Variants in SPTBN1 observed in about 807,000 individuals in gnomAD.
The protein encoded by SPTBN1 is spectrin beta chain, non-erythrocytic 1.
Under a neutral mutation model 266.4 loss-of-function variants are expected in SPTBN1, and 32 were observed. The ratio of observed to expected loss-of-function variants is 0.12; its 90% CI spans 0.09 to 0.16. The LOEUF is 0.16. Ranked by LOEUF, SPTBN1 falls within the 10% of genes least tolerant of loss-of-function variation. SPTBN1 has a pLI of 1.00. For missense variants in SPTBN1, 2,296 were observed against 3,067.1 expected (o/e 0.75, Z 5.94); for synonymous variants, 1,336 against 1,162.2 (o/e 1.15, Z -3.04).
At chr2:54,597,192 T>G (rs1385394479) in intron 2 of SPTBN1, among the ~76,000 whole-genome samples, 1 of 152,240 alleles carries the variant, frequency 6.6e-6, no homozygotes, top group Non-Finnish European at 1.5e-5. Flanking sequence ...TATGAGTTAC[T>G]TGCCTCCTTG....
Position 54,628,871 on chromosome 2 carries a change from G to T in SPTBN1, c.1799-62G>T, listed in dbSNP as rs893971019. The T allele has an allele frequency of 2.0e-6, 3 of 1,517,040 alleles. No individual in the cohort carries two copies. Among genetic ancestry groups the T allele is most frequent in the Non-Finnish European group, 2.6e-6 (3 of 1,134,668 alleles). The allele number at this position is 1,517,040 out of a possible 1,614,324, so 94.0% of individuals were successfully genotyped here. Reference sequence around the variant, plus strand: ...ATGGGGTGTAGCTTACTGCCTGCCAGTGAGCCTGCACCCATGCTGAGCTCC... The same window carrying T: ...ATGGGGTGTAGCTTACTGCCTGCCATTGAGCCTGCACCCATGCTGAGCTCC... On this transcript the variant is annotated intron_variant, in intron 13 of 35. Coordinates refer to ENST00000356805, the MANE Select transcript of SPTBN1 (RefSeq NM_003128.3). The surrounding 1 kb of genome is among the most constrained non-coding windows in gnomAD (Gnocchi z 4.3).
At chr2:54,568,064 G>A (rs947924515) in intron 2 of SPTBN1, among the ~76,000 whole-genome samples, 14 of 152,134 alleles carry the variant, frequency 9.2e-5, no homozygotes, top group Non-Finnish European at 2.1e-4. Context: ...ATCCCCAAGT[G>A]CTTTGTATGC....
rs373327953 is a variant in SPTBN1, at chr2:54,645,119, A to G, written c.4270-110A>G. ...GTGGCAAAATGTTTGAGTGGCTCCCATGGCTGGCTTTGCGGTGTGGCCAAG... is the reference window on the plus strand; with the variant it reads ...GTGGCAAAATGTTTGAGTGGCTCCCGTGGCTGGCTTTGCGGTGTGGCCAAG... On this transcript the variant is annotated intron_variant, in intron 20 of 35. Transcript: ENST00000356805. The surrounding 1 kb of genome is among the most constrained non-coding windows in gnomAD (Gnocchi z 4.3). 4 of 1,101,534 alleles carry G rather than the reference A, an allele frequency of 3.6e-6. No individual in the cohort carries two copies. The highest frequency in any genetic ancestry group is 4.0e-6 in the Non-Finnish European group (3 of 755,616). The allele number at this position is 1,101,534 out of a possible 1,614,324, so 68.2% of individuals were successfully genotyped here. A position where few individuals can be genotyped will look rare whatever the true frequency, so the allele number is the denominator to read the frequency against.
chr2:54,493,862 A>C (rs1188881331), intron 1 of SPTBN1, among the ~76,000 whole-genome samples: 1 of 152,232 alleles, frequency 6.6e-6, no homozygotes, highest in Admixed American at 6.5e-5. Context: ...CTTACATTCA[A>C]ATGTGAGTGA....
At chr2:54,559,663 C>T (rs561810079) in intron 2 of SPTBN1, among the ~76,000 whole-genome samples, 1 of 152,190 alleles carries the variant, frequency 6.6e-6, no homozygotes, top group Admixed American at 6.5e-5. Flanking sequence ...AGCCAGCAGG[C>T]CCTGGCCAGC....
intron 2 of SPTBN1, among the ~76,000 whole-genome samples, chr2:54,536,758 G>A (rs542014779): frequency 1.3e-5 from 2 of 152,312 alleles, no homozygotes; most frequent in African/African-American, 2.4e-5. Flanking sequence ...GAGGCCGGGA[G>A]CTGTGGTTCA....
intron 2 of SPTBN1, among the ~76,000 whole-genome samples, chr2:54,582,882 A>G (rs544412348): frequency 6.6e-6 from 1 of 152,280 alleles, no homozygotes; most frequent in South Asian, 2.1e-4. Context: ...CTAGGCTTGA[A>G]TTTGCTCTTA....
At chr2:54,457,941 A>T (rs934063082) in intron 1 of SPTBN1, among the ~76,000 whole-genome samples, 5 of 152,192 alleles carry the variant, frequency 3.3e-5, no homozygotes, top group African/African-American at 1.2e-4. Flanking sequence ...TCGGAATCTG[A>T]TCTGCGACCA....
intron 2 of SPTBN1, among the ~76,000 whole-genome samples, chr2:54,590,391 C>T (rs1030269080): frequency 1.7e-4 from 26 of 152,222 alleles, no homozygotes; most frequent in Non-Finnish European, 3.4e-4. Context: ...AGTTGTTGGA[C>T]ACTGGAGGTT....
chr2:54,655,768 C>G (rs757479704), intron 28 of SPTBN1, 146 bp from the exon 29 acceptor site: 1 of 590,120 alleles, frequency 1.7e-6, no homozygotes, highest in East Asian at 3.3e-5. Flanking sequence ...CTCTCCCAGT[C>G]CTCAGACAGA....
intron 1 of SPTBN1, among the ~76,000 whole-genome samples, chr2:54,504,102 T>C (rs1669426752): frequency 6.6e-6 from 1 of 152,190 alleles, no homozygotes; most frequent in Non-Finnish European, 1.5e-5. Context: ...TGTTCAAATC[T>C]CCGTTAAAGC....
At chr2:54,536,522 T>A (rs1238935844) in intron 2 of SPTBN1, among the ~76,000 whole-genome samples, 1 of 152,216 alleles carries the variant, frequency 6.6e-6, no homozygotes, top group African/African-American at 2.4e-5. Flanking sequence ...AGCTATAAAT[T>A]CACCAGTAGT....
In SPTBN1 at chr2:54,632,479, T is replaced by A. The variant is rs560330794; in HGVS notation, c.3565-87T>A. 2.6e-5 allele frequency: 34 copies of A among 1,319,872 alleles called. 1 individual carries two copies. The highest frequency in any genetic ancestry group is 2.0e-4 in the South Asian group (16 of 80,092). The allele number at this position is 1,319,872 out of a possible 1,614,324, so 81.8% of individuals were successfully genotyped here. ...CATGTAAGTGTAATGAAGAAAGTGT[T>A]GTGAACTATGTTGCACGGAAATGTA... On this transcript the variant is annotated intron_variant, in intron 16 of 35. Transcript: ENST00000356805.
At chr2:54,529,196 G>C (rs528707278) in intron 2 of SPTBN1, 3 of 310,080 alleles carry the variant, frequency 9.7e-6, no homozygotes, top group South Asian at 8.9e-5. Flanking sequence ...ATCACATTTT[G>C]TGACTGATGC....
intron 29 of SPTBN1, 77 bp downstream of exon 29, chr2:54,656,075 A>T: frequency 8.0e-7 from 1 of 1,253,044 alleles, no homozygotes; most frequent in Non-Finnish European, 1.1e-6. Flanking sequence ...GCTTTAATTC[A>T]TTAATGTTAT....
chr2:54,488,121 G>T (rs891624544), intron 1 of SPTBN1, among the ~76,000 whole-genome samples: 2 of 151,924 alleles, frequency 1.3e-5, no homozygotes, highest in Non-Finnish European at 2.9e-5. Flanking sequence ...GAGTCACTGC[G>T]CCCGGCCCAT....
intron 2 of SPTBN1, among the ~76,000 whole-genome samples, chr2:54,591,222 C>G (rs540338367): frequency 4.7e-4 from 71 of 152,266 alleles, no homozygotes; most frequent in African/African-American, 1.7e-3. Flanking sequence ...TTGGAGCTCA[C>G]TAATACTCTC....
intron 1 of SPTBN1, among the ~76,000 whole-genome samples, chr2:54,487,640 CACTAA>C (rs1335371086): frequency 1.3e-5 from 2 of 151,470 alleles, no homozygotes; most frequent in East Asian, 1.9e-4. Context: ...TCAGTCTACC[CACTAA>C]ACTAGAGTAC....
rs983707937 is a variant in SPTBN1 at position 54,668,584 on chromosome 2, C to G, written c.*15C>G. ...AAAAGAAATGAACTCCTTTCCTTCA[C>G]CTCCTGCCCTTCTCTTACCTTTTCA... On this transcript the variant is annotated 3_prime_UTR_variant, in exon 36 of 36. Coordinates refer to ENST00000356805, the MANE Select transcript of SPTBN1 (RefSeq NM_003128.3). The G allele has an allele frequency of 6.3e-7, 1 of 1,591,792 alleles. No individual in the cohort carries two copies. Among genetic ancestry groups the G allele is most frequent in the Non-Finnish European group, 8.6e-7 (1 of 1,168,366 alleles).
Sources: gnomAD v4.1 joint callset for allele counts (sites outside exome capture counted in the v4.1 genomes callset) on GRCh38, gnomAD v4.1.1 for gene constraint, Gnocchi (gnomAD v3.1) non-coding constraint, MANE v1.5 for transcripts, NCBI Gene and HGNC (gene_info 2026-07-23, HGNC 2026-07-21) for gene names.